LNX1: variants seen among roughly 807,000 people sequenced by gnomAD.
The protein encoded by LNX1 is ligand of numb-protein X 1, also known as E3 ubiquitin-protein ligase LNX.
LNX1 carries 54 observed loss-of-function variants against 68.4 expected under a neutral mutation model. The observed-to-expected ratio is 0.79, with a 90% CI of 0.63 to 0.99. LNX1 has a LOEUF of 0.99. LNX1 is among the 50% of genes least tolerant of loss of function. LNX1 has a pLI of 0.00. For missense variants in LNX1, 906 were observed against 926.4 expected, an observed-to-expected ratio of 0.98 and a Z score of 0.29; for synonymous variants, 336 against 350.0, an observed-to-expected ratio of 0.96 and a Z score of 0.45.
intron 2 of LNX1, among the ~76,000 whole-genome samples, chr4:53,613,407 T>C (rs1733568385): frequency 6.6e-6 from 1 of 152,074 alleles, no homozygotes; most frequent in Admixed American, 6.6e-5. Context: ...TTTCATTACA[T>C]AGTAAACATG....
chr4:53,527,033 T>A (rs1727657752), intron 2 of LNX1, among the ~76,000 whole-genome samples: 1 of 137,838 alleles, frequency 7.3e-6, no homozygotes, highest in South Asian at 2.3e-4. Context: ...AATAAGGTTT[T>A]AGACTCTTCC....
upstream of LNX1, among the ~76,000 whole-genome samples, chr4:53,593,669 G>C (rs1732615374): frequency 6.6e-6 from 1 of 151,848 alleles, no homozygotes; most frequent in Non-Finnish European, 1.5e-5. Flanking sequence ...AAATAATATG[G>C]GCTTTTTTTT....
chr4:53,488,076 T>C (rs1314272621), intron 6 of LNX1, among the ~76,000 whole-genome samples: 1 of 152,210 alleles, frequency 6.6e-6, no homozygotes, highest in East Asian at 1.9e-4. Flanking sequence ...ACAAGAAATG[T>C]CAGACATCAT....
chr4:53,529,102 AACACACACACAC>A (rs201017055), intron 2 of LNX1, among the ~76,000 whole-genome samples: 8 of 138,408 alleles, frequency 5.8e-5, no homozygotes, highest in African/African-American at 1.8e-4. Context: ...AGTCCTGACC[AACACACACACAC>A]ACACACACAC....
intron 2 of LNX1, among the ~76,000 whole-genome samples, chr4:53,531,944 C>T (rs1004357006): frequency 1.3e-5 from 2 of 152,144 alleles, no homozygotes; most frequent in Non-Finnish European, 2.9e-5. Flanking sequence ...TCTTTGAGGA[C>T]TGGAAACCAC....
At chr4:53,465,396 C>G (rs17082847) in intron 9 of LNX1, among the ~76,000 whole-genome samples, 17,373 of 152,158 alleles carry the variant, frequency 0.11, 1,863 homozygotes, top group South Asian at 0.28. Context: ...AATGCACTAG[C>G]CTTTATGTAG....
intron 2 of LNX1, among the ~76,000 whole-genome samples, chr4:53,608,681 T>C (rs1203266850): frequency 1.3e-5 from 2 of 152,152 alleles, no homozygotes; most frequent in Non-Finnish European, 2.9e-5. Context: ...TGCAGCACTG[T>C]TCACAGTAGC....
At chr4:53,474,969 T>C (rs1353630124) in intron 9 of LNX1, among the ~76,000 whole-genome samples, 1 of 152,198 alleles carries the variant, frequency 6.6e-6, no homozygotes, top group Non-Finnish European at 1.5e-5. Flanking sequence ...GGTTTTGCCA[T>C]GTTGGCCAGG....
At chr4:53,519,787 T>C (rs555213382) in intron 2 of LNX1, among the ~76,000 whole-genome samples, 1 of 152,294 alleles carries the variant, frequency 6.6e-6, no homozygotes, top group Admixed American at 6.5e-5. Context: ...AGGATTATTA[T>C]CCCCAGTTTG....
intron 1 of LNX1, among the ~76,000 whole-genome samples, chr4:53,626,410 C>T (rs1234675225): frequency 6.6e-6 from 1 of 152,142 alleles, no homozygotes; most frequent in Non-Finnish European, 1.5e-5. Context: ...TGAATTATAA[C>T]TCAATAAAGC....
At chr4:53,585,533 A>G (rs1732112298) in intron 1 of LNX1, among the ~76,000 whole-genome samples, 1 of 152,200 alleles carries the variant, frequency 6.6e-6, no homozygotes, top group Admixed American at 6.5e-5. Context: ...AGGTGTCATG[A>G]GGTTTAGGAT....
Position 53,573,867 on chromosome 4 carries a change from G to T in LNX1, c.136C>A (p.Gln46Lys). Residue 46 changes from glutamine to lysine, a missense_variant, in exon 2 of 11, where the codon CAG becomes AAG. Gln to Lys is a moderately conservative substitution (Grantham distance 53). Coordinates refer to ENST00000263925, the MANE Select transcript of LNX1 (RefSeq NM_001126328.3). Reference protein sequence around the residue: ...DDDLICHICLQALLDPLDTPC... With the variant: ...DDDLICHICLKALLDPLDTPC... ...GTGTCCAGGGGGTCCAGCAAAGCCT[G>T]CAGGCAGATGTGGCAGATGAGGTCA... The T allele has an allele frequency of 1.2e-6, 2 of 1,613,834 alleles. No homozygotes were observed. The highest frequency in any genetic ancestry group is 1.7e-6 in the Non-Finnish European group (2 of 1,179,840).
chr4:53,551,578 C>T (rs747091004), intron 2 of LNX1, among the ~76,000 whole-genome samples: 11 of 152,148 alleles, frequency 7.2e-5, no homozygotes, highest in Non-Finnish European at 1.5e-4. Flanking sequence ...ACGCTCACCC[C>T]CCAAGTGCCT....
intron 1 of LNX1, among the ~76,000 whole-genome samples, chr4:53,625,842 CCCGTGTGTGT>C (rs1365517063): frequency 1.1e-3 from 55 of 50,548 alleles, no homozygotes; most frequent in African/African-American, 2.2e-3. Context: ...GCAATTCCAC[CCCGTGTGTGT>C]GTGTGTGTGT....
intron 2 of LNX1, among the ~76,000 whole-genome samples, chr4:53,608,334 A>C (rs1370593713): frequency 1.3e-5 from 2 of 152,244 alleles, no homozygotes; most frequent in African/African-American, 4.8e-5. Flanking sequence ...AAAAGAAGAC[A>C]TACAAGCAGT....
At chr4:53,606,006 T>C (rs548842534) in intron 2 of LNX1, among the ~76,000 whole-genome samples, 1 of 152,240 alleles carries the variant, frequency 6.6e-6, no homozygotes, top group African/African-American at 2.4e-5. Flanking sequence ...TGCCAATTCT[T>C]ATCATTCCTT....
At chr4:53,461,957 A>G (rs1722167569) in intron 9 of LNX1, among the ~76,000 whole-genome samples, 1 of 152,102 alleles carries the variant, frequency 6.6e-6, no homozygotes, top group Admixed American at 6.6e-5. Context: ...TATGGATGTC[A>G]TATTTTTATT....
chr4:53,516,837 G>A (rs1266814427), intron 2 of LNX1, among the ~76,000 whole-genome samples: 1 of 152,166 alleles, frequency 6.6e-6, no homozygotes, highest in Admixed American at 6.5e-5. Flanking sequence ...AGTGGGCATT[G>A]CCAAGTCTGA....
chr4:53,616,451 C>T (rs1193933866), intron 2 of LNX1: 1 of 152,140 alleles, frequency 6.6e-6, no homozygotes, highest in African/African-American at 2.4e-5. Context: ...CCTGCTGCTG[C>T]TTTTATCTCA....
Sources: allele counts gnomAD v4.1 joint callset (sites outside exome capture counted in the v4.1 genomes callset), GRCh38; gene constraint gnomAD v4.1.1; transcripts MANE v1.5; gene names NCBI Gene and HGNC (gene_info 2026-07-23, HGNC 2026-07-21).